Variants in TSPAN13 observed in about 807,000 individuals in gnomAD.
TSPAN13 encodes tetraspanin 13.
TSPAN13 carries 18 observed loss-of-function variants against 26.9 expected under a neutral mutation model. The observed-to-expected ratio is 0.67, with a 90% CI of 0.46 to 0.99. The LOEUF (loss-of-function observed/expected upper bound fraction) is 0.99. Ranked by LOEUF, TSPAN13 falls within the 50% of genes least tolerant of loss-of-function variation. The pLI is 0.00. For synonymous variants in TSPAN13, 116 were observed against 98.4 expected (o/e 1.18, Z -1.06); for missense variants, 201 against 249.6 (o/e 0.81, Z 1.31).
intron 1 of TSPAN13, among the ~76,000 whole-genome samples, chr7:16,760,691 A>G (rs1235662416): frequency 1.3e-5 from 2 of 152,084 alleles, no homozygotes; most frequent in Admixed American, 6.5e-5. Context: ...GAGATGAGGA[A>G]CATTCAGCAA....
chr7:16,769,939 C>T (rs1003888290), intron 1 of TSPAN13, among the ~76,000 whole-genome samples: 17 of 151,984 alleles, frequency 1.1e-4, no homozygotes, highest in Non-Finnish European at 1.9e-4. Context: ...GCTTTTTGAT[C>T]GGTATTTATC....
chr7:16,755,324 A>G (rs962440481), intron 1 of TSPAN13, among the ~76,000 whole-genome samples: 2 of 152,162 alleles, frequency 1.3e-5, no homozygotes, highest in Admixed American at 1.3e-4. Context: ...TGAAGGCAAG[A>G]CAGAAACAGG....
At chr7:16,761,293 GT>G (rs1021701963) in intron 1 of TSPAN13, among the ~76,000 whole-genome samples, 20 of 152,148 alleles carry the variant, frequency 1.3e-4, no homozygotes, top group African/African-American at 4.8e-4. Flanking sequence ...AAGAACTGAG[GT>G]TTTAGCTTCA....
At chr7:16,754,326 T>G (rs1269707221) in intron 1 of TSPAN13, among the ~76,000 whole-genome samples, 1 of 152,152 alleles carries the variant, frequency 6.6e-6, no homozygotes, top group Non-Finnish European at 1.5e-5. Flanking sequence ...TTTTCAAACA[T>G]TCAACCGGAC....
intron 1 of TSPAN13, among the ~76,000 whole-genome samples, chr7:16,759,247 A>C (rs959076320): frequency 1.3e-5 from 2 of 152,132 alleles, no homozygotes; most frequent in African/African-American, 4.8e-5. Context: ...GAGACTGGAT[A>C]AAGAAAAGAG....
chr7:16,776,245 G>GGGGCATTGGCCC lies in TSPAN13; in HGVS notation c.108_109insCCGGGCATTGGC (p.Gly36_Phe37insProGlyIleGly). 6.2e-7 allele frequency: 1 copy of GGGGCATTGGCCC among 1,614,012 alleles called. No individual in the cohort carries two copies. Among genetic ancestry groups the GGGGCATTGGCCC allele is most frequent in the Non-Finnish European group, 8.5e-7 (1 of 1,179,996 alleles). ...CTGCTGCTAATTGGAATTGCTGCGT[G>GGGGCATTGGCCC]GGGCATTGGCTTCGGGCTGATTTCC... On this transcript the variant is annotated inframe_insertion, in exon 2 of 6. Coordinates refer to ENST00000262067, the MANE Select transcript of TSPAN13 (RefSeq NM_014399.4).
At chr7:16,766,402 C>T (rs1477046321) in intron 1 of TSPAN13, among the ~76,000 whole-genome samples, 4 of 152,082 alleles carry the variant, frequency 2.6e-5, no homozygotes, top group South Asian at 2.1e-4. Flanking sequence ...TGTGTATTTG[C>T]GTGTGCATGT....
chr7:16,763,128 GA>G (rs1457278842), intron 1 of TSPAN13, among the ~76,000 whole-genome samples: 2 of 152,166 alleles, frequency 1.3e-5, no homozygotes, highest in Non-Finnish European at 2.9e-5. Flanking sequence ...GATGTTTGTA[GA>G]AAAAAGATGG....
intron 5 of TSPAN13, among the ~76,000 whole-genome samples, 165 bp from the exon 6 acceptor site, chr7:16,783,252 C>A (rs147956649): frequency 1.3e-3 from 203 of 152,084 alleles, no homozygotes; most frequent in African/African-American, 4.6e-3. Flanking sequence ...TCTCAGCGCC[C>A]GTCATTTGGT....
intron 4 of TSPAN13, among the ~76,000 whole-genome samples, chr7:16,778,637 C>T (rs73301535): frequency 0.054 from 8,178 of 152,208 alleles, 739 homozygotes; most frequent in African/African-American, 0.18. Flanking sequence ...GCTCTCAGGT[C>T]CTATGTTACT....
rs770842789 is a variant in TSPAN13, at chr7:16,776,267, T to A, written c.120T>A (p.Ile40=). The A allele has an allele frequency of 6.2e-7, 1 of 1,614,172 alleles. No homozygotes were observed. The highest frequency in any genetic ancestry group is 8.5e-7 in the Non-Finnish European group (1 of 1,180,018). Residue 40 remains isoleucine (I), a synonymous_variant, in exon 2 of 6, where the codon ATT becomes ATA. Transcript: ENST00000262067. ...IAAWGIGFGL[I]SSLRVVGVVI... ...CGTGGGGCATTGGCTTCGGGCTGAT[T>A]TCCAGTCTCCGAGTGGTCGGCGTGG...
intron 1 of TSPAN13, among the ~76,000 whole-genome samples, chr7:16,757,980 C>T (rs891956589): frequency 6.6e-6 from 1 of 152,050 alleles, no homozygotes; most frequent in Non-Finnish European, 1.5e-5. Context: ...ATTACAGGTG[C>T]CCGCCACCAT....
chr7:16,782,498 AGAG>A (rs1784824231), intron 5 of TSPAN13, among the ~76,000 whole-genome samples: 1 of 152,222 alleles, frequency 6.6e-6, no homozygotes, highest in Non-Finnish European at 1.5e-5. Flanking sequence ...TTTAGCCTAA[AGAG>A]TTACAATTTT....
chr7:16,755,075 C>T (rs976329145), intron 1 of TSPAN13, among the ~76,000 whole-genome samples: 1 of 151,982 alleles, frequency 6.6e-6, no homozygotes, highest in Non-Finnish European at 1.5e-5. Flanking sequence ...GAAACTTCCT[C>T]TTCTGTCATC....
Position 16,757,783 on chromosome 7 carries a change from A to G in TSPAN13, c.63+3753A>G, listed in dbSNP as rs536546815. Among the ~76,000 whole-genome samples the G allele has an allele frequency of 4.0e-4, 61 of 152,274 alleles. 1 individual carries two copies. In the South Asian group the frequency reaches 0.011, roughly 27 times the overall value. Reference sequence around the variant, plus strand: ...AAAATTATACTGAATTACTTCATAAACACCTTAATTTATATTTTTATCACC... The same window carrying G: ...AAAATTATACTGAATTACTTCATAAGCACCTTAATTTATATTTTTATCACC... On this transcript the variant is annotated intron_variant, in intron 1 of 5. Transcript: ENST00000262067.
chr7:16,759,699 CTTTTTTT>C (rs59571826), intron 1 of TSPAN13, among the ~76,000 whole-genome samples: 294 of 132,458 alleles, frequency 2.2e-3, no homozygotes, highest in African/African-American at 8.3e-3. Flanking sequence ...TTCTTTCTTT[CTTTTTTT>C]TTTTTTTTTT....
chr7:16,781,880 T>A (rs1279417006), intron 5 of TSPAN13, among the ~76,000 whole-genome samples: 1 of 152,168 alleles, frequency 6.6e-6, no homozygotes, highest in Non-Finnish European at 1.5e-5. Flanking sequence ...AGTATTTCCG[T>A]GTTGTAACAG....
intron 1 of TSPAN13, among the ~76,000 whole-genome samples, chr7:16,759,779 C>G (rs1784521664): frequency 1.3e-5 from 2 of 150,148 alleles, no homozygotes; most frequent in African/African-American, 4.9e-5. Context: ...AGAGCTGTCT[C>G]CTGGGCTCAA....
At chr7:16,775,978 A>G (rs1784738344) in intron 1 of TSPAN13, 2 of 417,800 alleles carry the variant, frequency 4.8e-6, no homozygotes, top group Admixed American at 4.1e-5. Context: ...GCGTATTATC[A>G]GTCTTTTTTT....
Sources: gnomAD v4.1 joint callset for allele counts (sites outside exome capture counted in the v4.1 genomes callset) on GRCh38, gnomAD v4.1.1 for gene constraint, MANE v1.5 for transcripts, NCBI Gene and HGNC (gene_info 2026-07-23, HGNC 2026-07-21) for gene names.